The following KAZN variants were observed in gnomAD, a reference collection of about 807,000 sequenced individuals.
The protein encoded by KAZN is kazrin, periplakin interacting protein, also known as kazrin.
Under a neutral mutation model 87.4 loss-of-function variants are expected in KAZN, and 40 were observed. The ratio of observed to expected loss-of-function variants is 0.46; its 90% CI spans 0.36 to 0.60. The LOEUF is 0.60. Among genes scored for constraint, KAZN ranks in the 20% least tolerant of loss-of-function variants. The probability of loss-of-function intolerance (pLI) is 0.00; values close to 1 mark genes in which losing one functional copy is unlikely to be tolerated. For synonymous variants in KAZN, 466 were observed against 458.3 expected, an observed-to-expected ratio of 1.02 and a Z score of -0.22; for missense variants, 898 against 1,073.9, an observed-to-expected ratio of 0.84 and a Z score of 2.29.
intron 2 of KAZN, among the ~76,000 whole-genome samples, chr1:14,504,841 T>G (rs1228041623): frequency 6.6e-6 from 1 of 152,214 alleles, no homozygotes; most frequent in Non-Finnish European, 1.5e-5. Flanking sequence ...GGCCAACAAA[T>G]TAAAGGTTTT....
rs181508090 is a variant in KAZN, at chr1:15,114,725, C to T, written c.*90C>T. 3.8e-6 allele frequency: 5 copies of T among 1,302,340 alleles called. No individual in the cohort carries two copies. Among genetic ancestry groups the T allele is most frequent in the Non-Finnish European group, 4.2e-6 (4 of 955,892 alleles). 80.7% of individuals were successfully genotyped at this position (1,302,340 alleles called of 1,614,324 possible). A position where few individuals can be genotyped will look rare whatever the true frequency, so the allele number is the denominator to read the frequency against. ...CAGGTGTCGTTCTCACTGTACATAG[C>T]GGCCGCAGGCTGAGGATGTCCCTTG... On this transcript the variant is annotated 3_prime_UTR_variant, in exon 15 of 15. Coordinates refer to ENST00000376030, the MANE Select transcript of KAZN (RefSeq NM_201628.3).
intron 2 of KAZN, chr1:14,304,706 A>G (rs996156728): frequency 1.3e-5 from 5 of 398,136 alleles, no homozygotes; most frequent in African/African-American, 1.0e-4. Flanking sequence ...TGAGTTTCGT[A>G]TAACCACTCG....
intron 2 of KAZN, among the ~76,000 whole-genome samples, chr1:14,243,431 A>T (rs776537516): frequency 1.4e-4 from 21 of 152,222 alleles, no homozygotes; most frequent in Non-Finnish European, 2.4e-4. Context: ...TAACATCGAC[A>T]TATAAATAAT....
chr1:14,032,256 C>G (rs190450812), intron 1 of KAZN, among the ~76,000 whole-genome samples: 1 of 152,326 alleles, frequency 6.6e-6, no homozygotes, highest in East Asian at 1.9e-4. Flanking sequence ...GCATTACATG[C>G]ATTAACAAAC....
chr1:14,356,959 G>A (rs1165477380), intron 2 of KAZN, among the ~76,000 whole-genome samples: 1 of 152,096 alleles, frequency 6.6e-6, no homozygotes, highest in Non-Finnish European at 1.5e-5. Flanking sequence ...CTAATTCTGT[G>A]AAGAAAGTCA....
chr1:14,028,463 T>C (rs1357329200), intron 1 of KAZN, among the ~76,000 whole-genome samples: 1 of 152,180 alleles, frequency 6.6e-6, no homozygotes, highest in African/African-American at 2.4e-5. Flanking sequence ...GTTAACAAAG[T>C]GCATTTCTAT....
chr1:14,466,076 A>G (rs1668110141), intron 2 of KAZN, among the ~76,000 whole-genome samples: 1 of 152,226 alleles, frequency 6.6e-6, no homozygotes, highest in African/African-American at 2.4e-5. Context: ...ATAGGAAGCT[A>G]TATCATTTAG....
At chr1:14,058,950 C>G (rs1238940034) in intron 1 of KAZN, among the ~76,000 whole-genome samples, 2 of 152,152 alleles carry the variant, frequency 1.3e-5, no homozygotes, top group Non-Finnish European at 2.9e-5. Flanking sequence ...TTGGCAGCAG[C>G]ATACGATGAG....
chr1:14,295,738 C>G (rs1420009673), intron 2 of KAZN, among the ~76,000 whole-genome samples: 1 of 152,190 alleles, frequency 6.6e-6, no homozygotes, highest in Non-Finnish European at 1.5e-5. Flanking sequence ...TTTGAGATCT[C>G]AGCTCACTTT....
rs889123184 is a variant in KAZN, at chr1:15,021,490, C to T, written c.419-13259C>T. ...AACAAACACCACCCGCTCCCAGTCC[C>T]GGCCCCTCCCATTTCCCTCCTGCTG... On this transcript the variant is annotated intron_variant, in intron 2 of 14. Coordinates refer to ENST00000376030, the MANE Select transcript of KAZN (RefSeq NM_201628.3). This position sits in a 1 kb window ranked among gnomAD's most constrained non-coding sequence, Gnocchi z 4.2. Among the ~76,000 whole-genome samples the T allele has an allele frequency of 4.6e-5, 7 of 152,198 alleles. No homozygotes were observed. The highest frequency in any genetic ancestry group is 7.3e-5 in the Non-Finnish European group (5 of 68,032).
chr1:14,474,675 A>G (rs1249351243), intron 2 of KAZN, among the ~76,000 whole-genome samples: 1 of 152,184 alleles, frequency 6.6e-6, no homozygotes, highest in East Asian at 1.9e-4. Flanking sequence ...TTGGGGAAAT[A>G]ATATGCCCCT....
At chr1:14,801,694 T>G (rs1043207438) in intron 1 of KAZN, among the ~76,000 whole-genome samples, 6 of 150,946 alleles carry the variant, frequency 4.0e-5, no homozygotes, top group Non-Finnish European at 5.9e-5. Flanking sequence ...GTTTTTTTGT[T>G]TTTTTTTTGA....
At chr1:14,524,504 C>A (rs1184133965) in intron 2 of KAZN, among the ~76,000 whole-genome samples, 1 of 152,184 alleles carries the variant, frequency 6.6e-6, no homozygotes, top group Non-Finnish European at 1.5e-5. Context: ...TATCACCAGG[C>A]TCTCTTTGAC....
At chr1:14,470,324 G>A (rs1051708305) in intron 2 of KAZN, among the ~76,000 whole-genome samples, 23 of 152,116 alleles carry the variant, frequency 1.5e-4, no homozygotes, top group African/African-American at 5.3e-4. Context: ...TAGCACTTGG[G>A]GATAGCAACA....
intron 2 of KAZN, among the ~76,000 whole-genome samples, chr1:15,004,973 A>T (rs1030343330): frequency 2.0e-5 from 3 of 152,044 alleles, no homozygotes; most frequent in Non-Finnish European, 4.4e-5. Context: ...ATTAAAGGTG[A>T]TTATTCTTTT....
intron 1 of KAZN, among the ~76,000 whole-genome samples, chr1:14,698,397 T>C (rs1641732876): frequency 6.6e-6 from 1 of 152,186 alleles, no homozygotes; most frequent in South Asian, 2.1e-4. Flanking sequence ...ACCTCCACCG[T>C]CCCATCTGGC....
At chr1:14,342,657 T>C (rs1220965416) in intron 2 of KAZN, among the ~76,000 whole-genome samples, 4 of 151,540 alleles carry the variant, frequency 2.6e-5, no homozygotes, top group Admixed American at 1.3e-4. Flanking sequence ...ATAGAAACAA[T>C]AAAAAAGAAA....
chr1:14,741,351 AGGTGGCTAT>A (rs1251115743), intron 1 of KAZN, among the ~76,000 whole-genome samples: 1 of 152,232 alleles, frequency 6.6e-6, no homozygotes, highest in East Asian at 1.9e-4. Flanking sequence ...CTGGTGGCAC[AGGTGGCTAT>A]GGTTGCCTCA....
intron 4 of KAZN, among the ~76,000 whole-genome samples, chr1:15,046,218 A>G (rs1212245882): frequency 1.3e-5 from 2 of 150,956 alleles, no homozygotes; most frequent in African/African-American, 2.4e-5. Flanking sequence ...GAATCGTTTG[A>G]ACCCGGGAGG....
Sources: allele counts gnomAD v4.1 joint callset (sites outside exome capture counted in the v4.1 genomes callset), GRCh38; gene constraint gnomAD v4.1.1; non-coding constraint Gnocchi (gnomAD v3.1); transcripts MANE v1.5; gene names NCBI Gene and HGNC (gene_info 2026-07-23, HGNC 2026-07-21).